Variants in ZFHX2 observed in about 807,000 individuals in gnomAD.
The protein encoded by ZFHX2 is zinc finger homeobox 2.
Under a neutral mutation model 164.8 loss-of-function variants are expected in ZFHX2, and 75 were observed. That is an observed-to-expected ratio of 0.46 (90% CI 0.38 to 0.55). The LOEUF is 0.55. Among genes scored for constraint, ZFHX2 ranks in the 20% least tolerant of loss-of-function variants. The probability of loss-of-function intolerance (pLI) is 0.00; values close to 1 mark genes in which losing one functional copy is unlikely to be tolerated. For missense variants in ZFHX2, 2,933 were observed against 3,308.0 expected (o/e 0.89, Z 2.78); for synonymous variants, 1,217 against 1,351.4 (o/e 0.90, Z 2.18).
chr14:23,550,825 C>T (rs1206918375), intron 1 of ZFHX2, among the ~76,000 whole-genome samples: 3 of 152,188 alleles, frequency 2.0e-5, no homozygotes, highest in Non-Finnish European at 4.4e-5. Flanking sequence ...CACGTCCCCT[C>T]CCACTCCACG....
Position 23,522,398 on chromosome 14 carries a change from T to TC in ZFHX2, c.7282dup (p.Glu2428GlyfsTer4). 6.5e-7 allele frequency: 1 copy of TC among 1,536,154 alleles called. No individual in the cohort carries two copies. Among genetic ancestry groups the TC allele is most frequent in the Non-Finnish European group, 8.7e-7 (1 of 1,146,866 alleles). On this transcript the variant is annotated frameshift_variant, in exon 10 of 10. Coordinates refer to ENST00000419474, the MANE Select transcript of ZFHX2 (RefSeq NM_033400.3). LOFTEE classifies it high-confidence loss of function. ...CAGCAGCTCATCAACCTCACCAGCT[T>TC]CCCCCTCCCCTGGAGCAGGCAGTTC...
At chr14:23,548,875 C>T (rs222681) in intron 1 of ZFHX2, among the ~76,000 whole-genome samples, 141,091 of 152,246 alleles carry the variant, frequency 0.93, 66,341 homozygotes, top group East Asian at 1. Flanking sequence ...TCGCTCTCTT[C>T]GCATCAGTCA....
chr14:23,534,008 G>C lies in ZFHX2; in HGVS notation c.1318C>G (p.His440Asp), dbSNP rs767446478. The C allele has an allele frequency of 6.5e-7, 1 of 1,537,132 alleles. No homozygotes were observed. The highest frequency in any genetic ancestry group is 1.2e-5 in the South Asian group (1 of 84,060). Residue 440 changes from histidine (H) to aspartate (D), a missense_variant, in exon 2 of 10, where the codon CAC becomes GAC. By Grantham distance (81) the His-to-Asp change is moderately conservative (BLOSUM62 -1). Coordinates refer to ENST00000419474, the MANE Select transcript of ZFHX2 (RefSeq NM_033400.3). The surrounding 1 kb of genome is among the most constrained non-coding windows in gnomAD (Gnocchi z 4.5). Reference sequence around the variant, plus strand: ...TTGCGTGAGTGGAGCAGGGACATGTGGCTGGACAGGCTGAGGCCCTGGAAG... The same window carrying C: ...TTGCGTGAGTGGAGCAGGGACATGTCGCTGGACAGGCTGAGGCCCTGGAAG... ...AAFQGLSLSS[H>D]MSLLHSRNSC...
In ZFHX2 at chr14:23,530,189, C is replaced by A. The variant is rs1391329032; in HGVS notation, c.2806G>T (p.Ala936Ser). 4 of 1,534,644 alleles carry A rather than the reference C, an allele frequency of 2.6e-6. No homozygotes were observed. The East Asian group carries it at 9.8e-5, about 38-fold the overall frequency. Residue 936 changes from alanine (A) to serine (S), a missense_variant, in exon 5 of 10, where the codon GCT becomes TCT. Ala to Ser is a moderately conservative substitution (Grantham distance 99). Coordinates refer to ENST00000419474, the MANE Select transcript of ZFHX2 (RefSeq NM_033400.3). ...SHGQLRTPGK[A>S]PVTPLAEPPT... ...GGCTCAGCTAAGGGGGTGACAGGAG[C>A]CTTCCCTGTGTAGGATGGGGGGAGA...
chr14:23,536,292 T>C (rs1880135468), intron 1 of ZFHX2, among the ~76,000 whole-genome samples: 1 of 152,198 alleles, frequency 6.6e-6, no homozygotes, highest in Non-Finnish European at 1.5e-5. Context: ...GTCAGTGTCT[T>C]TTGAATGGCA....
chr14:23,521,867 G>A lies in ZFHX2; in HGVS notation c.*95C>T, dbSNP rs1293878614. On this transcript the variant is annotated 3_prime_UTR_variant, in exon 10 of 10. Transcript: ENST00000419474. ...TTCCTGTGAGGTGGGCGGGGCCAGG[G>A]GGTGGGGTGAGGGATTTGAGCTCCC... 2.0e-6 allele frequency: 3 copies of A among 1,499,218 alleles called. No homozygotes were observed. The African/African-American group carries it at 4.2e-5, about 21-fold the overall frequency. 92.9% of individuals were successfully genotyped at this position (1,499,218 alleles called of 1,614,324 possible). A position where few individuals can be genotyped will look rare whatever the true frequency, so the allele number is the denominator to read the frequency against.
At chr14:23,527,878 G>GCAGCA in intron 6 of ZFHX2, 74 bp from the exon 7 acceptor site, 2 of 1,211,862 alleles carry the variant, frequency 1.7e-6, no homozygotes, top group Non-Finnish European at 2.3e-6. Context: ...TCCTTTGGAT[G>GCAGCA]CAGCACTGGC....
At chr14:23,530,040 G>T in intron 5 of ZFHX2, 80 bp downstream of exon 5, 1 of 1,337,260 alleles carries the variant, frequency 7.5e-7, no homozygotes, top group Non-Finnish European at 1.0e-6. Flanking sequence ...CACAGACATT[G>T]CTGGGCTCCT....
At position 23,531,464 on chromosome 14, in the gene ZFHX2, A is replaced by C; in HGVS notation, c.2800+17T>G. The C allele has an allele frequency of 7.2e-7, 1 of 1,388,764 alleles. No individual in the cohort carries two copies. Among genetic ancestry groups the C allele is most frequent in the Non-Finnish European group, 9.4e-7 (1 of 1,065,404 alleles). The allele number at this position is 1,388,764 out of a possible 1,614,324, so 86.0% of individuals were successfully genotyped here. ...CCTCCCTGCCCAGCTCTTATTCTCC[A>C]GTCCCTTCTTCCTCACCGGGAGTCC... On this transcript the variant is annotated intron_variant, in intron 4 of 9. Coordinates refer to ENST00000419474, the MANE Select transcript of ZFHX2 (RefSeq NM_033400.3).
rs1879894767 is a variant in ZFHX2 at position 23,534,126 on chromosome 14, G to A, written c.1200C>T (p.Gly400=). ...GGGAGCCCACTGGGGCAGGGAGAGT[G>A]CCCCCCTCCTTGGAGGTGGGTGAGC... ...NQSSPTSKEG[G]TLPAPVGSPE... Residue 400 remains glycine, a synonymous_variant, in exon 2 of 10, where the codon GGC becomes GGT. Coordinates refer to ENST00000419474, the MANE Select transcript of ZFHX2 (RefSeq NM_033400.3). This position sits in a 1 kb window ranked among gnomAD's most constrained non-coding sequence, Gnocchi z 4.5. The A allele has an allele frequency of 2.7e-6, 4 of 1,480,918 alleles. No individual in the cohort carries two copies. Among genetic ancestry groups the A allele is most frequent in the Admixed American group, 2.2e-5 (1 of 44,890 alleles). The allele number at this position is 1,480,918 out of a possible 1,614,324, so 91.7% of individuals were successfully genotyped here.
At position 23,535,100 on chromosome 14, in the gene ZFHX2, G is replaced by T. The variant is rs1249370124; in HGVS notation, c.226C>A (p.Pro76Thr). The T allele has an allele frequency of 2.0e-6, 3 of 1,536,190 alleles. No homozygotes were observed. The highest frequency in any genetic ancestry group is 2.0e-5 in the Admixed American group (1 of 51,004). The change falls in exon 2 of 10, where the codon CCC becomes ACC. Residue 76 changes from proline (P) to threonine (T), a missense_variant. Transcript: ENST00000419474. The surrounding 1 kb of genome is among the most constrained non-coding windows in gnomAD (Gnocchi z 4.5). ...TGACCACAGTCAGGCCCTTCCTGGG[G>T]CTCCCCAATCTCCTTTGGTGGGACG... The part of the protein sequence containing the change: ...GLVPPKEIGE[P>T]QEGPDCGHFP...
intron 6 of ZFHX2, 59 bp from the exon 7 acceptor site, chr14:23,527,863 C>A: frequency 1.3e-4 from 133 of 1,013,966 alleles, no homozygotes; most frequent in Non-Finnish European, 1.7e-4. Flanking sequence ...CCCACCATCA[C>A]ATAGTCCTTT....
Position 23,534,982 on chromosome 14 carries a change from A to C in ZFHX2, c.344T>G (p.Phe115Cys). 6.5e-7 allele frequency: 1 copy of C among 1,536,132 alleles called. No homozygotes were observed. Among genetic ancestry groups the C allele is most frequent in the South Asian group, 1.2e-5 (1 of 84,066 alleles). The change falls in exon 2 of 10, where the codon TTC becomes TGC. Residue 115 changes from phenylalanine (F) to cysteine (C), a missense_variant. Coordinates refer to ENST00000419474, the MANE Select transcript of ZFHX2 (RefSeq NM_033400.3). This position sits in a 1 kb window ranked among gnomAD's most constrained non-coding sequence, Gnocchi z 4.5. ...LPPMDLSNHLFFTAGGEAYLV... is the reference protein window; with the variant it reads ...LPPMDLSNHLCFTAGGEAYLV... ...GTAGGCCTCACCTCCAGCTGTGAAG[A>C]ATAAGTGGTTGCTTAGGTCCATGGG...
chr14:23,521,773 G>C lies in ZFHX2; in HGVS notation c.*189C>G. 1.0e-6 allele frequency: 1 copy of C among 1,001,982 alleles called. No homozygotes were observed. The highest frequency in any genetic ancestry group is 1.4e-6 in the Non-Finnish European group (1 of 708,682). The allele number at this position is 1,001,982 out of a possible 1,614,324, so 62.1% of individuals were successfully genotyped here. On this transcript the variant is annotated 3_prime_UTR_variant, in exon 10 of 10. Transcript: ENST00000419474. The stretch of plus-strand genomic sequence containing the variant: ...GAGGATCAATGTGTGTGTCTGTGGG[G>C]ATTGGGAGGAGGCAGGACTCTGCTG...
Position 23,534,043 on chromosome 14 carries a change from G to C in ZFHX2, c.1283C>G (p.Ala428Gly). The change falls in exon 2 of 10, where the codon GCC (alanine) becomes GGC (glycine). Residue 428 changes from alanine (A) to glycine (G), a missense_variant. Physicochemically the swap from Ala to Gly is moderately conservative, Grantham distance 60 (BLOSUM62 0). Transcript: ENST00000419474. The surrounding 1 kb of genome is among the most constrained non-coding windows in gnomAD (Gnocchi z 4.5). ...PYRLADDYTP[A>G]PAAFQGLSLS... ...GCTGAGGCCCTGGAAGGCTGCAGGG[G>C]CTGGGGTGTAGTCATCAGCTAGGCG... 1 of 1,535,326 alleles carries C rather than the reference G, an allele frequency of 6.5e-7. No individual in the cohort carries two copies. Among genetic ancestry groups the C allele is most frequent in the Middle Eastern group, 1.7e-4 (1 of 5,978 alleles).
Position 23,524,483 on chromosome 14 carries a change from G to A in ZFHX2, c.5459C>T (p.Ala1820Val). The A allele has an allele frequency of 6.5e-7, 1 of 1,530,912 alleles. No individual in the cohort carries two copies. Among genetic ancestry groups the A allele is most frequent in the Non-Finnish European group, 8.7e-7 (1 of 1,143,896 alleles). 94.8% of individuals were successfully genotyped at this position (1,530,912 alleles called of 1,614,324 possible). Residue 1820 changes from alanine to valine, a missense_variant, in exon 9 of 10, where the codon GCA becomes GTA. Physicochemically the swap from Ala to Val is moderately conservative, Grantham distance 64. Transcript: ENST00000419474. The surrounding 1 kb of genome is among the most constrained non-coding windows in gnomAD (Gnocchi z 5.6). ...LVFGERNPLV[A>V]ATSPMPGPPL... ...TGGACCTGGCATTGGTGAGGTGGCT[G>A]CCACCAGGGGGTTTCTCTCCCCAAA...
At chr14:23,549,524 C>T (rs1260409747) in intron 1 of ZFHX2, among the ~76,000 whole-genome samples, 4 of 151,978 alleles carry the variant, frequency 2.6e-5, no homozygotes, top group Non-Finnish European at 4.4e-5. Flanking sequence ...TTTTATTACA[C>T]TAATAAACAC....
In ZFHX2 at chr14:23,526,159, G is replaced by A. The variant is rs1306904265; in HGVS notation, c.3783C>T (p.Ser1261=). The A allele has an allele frequency of 6.5e-7, 1 of 1,536,550 alleles. No homozygotes were observed. Among genetic ancestry groups the A allele is most frequent in the Admixed American group, 2.0e-5 (1 of 51,004 alleles). ...TVCRVSYNQS[S]TLEIHMRSVL... is the part of the protein sequence containing the mutation. ...CTGACCGCATGTGGATCTCCAGGGT[G>A]GAGCTCTGGTTGTAGGAGACTCTGC... The change falls in exon 9 of 10, where the codon TCC becomes TCT. Residue 1261 remains serine (S), a synonymous_variant. Coordinates refer to ENST00000419474, the MANE Select transcript of ZFHX2 (RefSeq NM_033400.3).
Position 23,522,547 on chromosome 14 carries a change from C to G in ZFHX2, c.7134G>C (p.Lys2378Asn). 1 of 1,527,212 alleles carries G rather than the reference C, an allele frequency of 6.5e-7. No homozygotes were observed. Among genetic ancestry groups the G allele is most frequent in the Non-Finnish European group, 8.8e-7 (1 of 1,141,060 alleles). The allele number at this position is 1,527,212 out of a possible 1,614,324, so 94.6% of individuals were successfully genotyped here. A position where few individuals can be genotyped will look rare whatever the true frequency, so the allele number is the denominator to read the frequency against. ...GAYFQQLYGM[K>N]KGLFPMNPMI... ...TGGGGTTCATGGGAAATAGCCCCTTCTTCATGCCATAGAGCTGTTGGAAGT... is the reference window on the plus strand; with the variant it reads ...TGGGGTTCATGGGAAATAGCCCCTTGTTCATGCCATAGAGCTGTTGGAAGT... The change falls in exon 10 of 10, where the codon AAG becomes AAC. Residue 2378 changes from lysine to asparagine, a missense_variant. By Grantham distance (94) the Lys-to-Asn change is moderately conservative. Coordinates refer to ENST00000419474, the MANE Select transcript of ZFHX2 (RefSeq NM_033400.3).
Sources: gnomAD v4.1 joint callset for allele counts (sites outside exome capture counted in the v4.1 genomes callset) on GRCh38, gnomAD v4.1.1 for gene constraint, Gnocchi (gnomAD v3.1) non-coding constraint, MANE v1.5 for transcripts, NCBI Gene and HGNC (gene_info 2026-07-23, HGNC 2026-07-21) for gene names.